NRSN2: variants seen among roughly 807,000 people sequenced by gnomAD.
The protein encoded by NRSN2 is neurensin-2.
NRSN2 carries 10 observed loss-of-function variants against 11.1 expected under a neutral mutation model. That is an observed-to-expected ratio of 0.90 (90% CI 0.56 to 1.53). NRSN2 has a LOEUF of 1.53. NRSN2 is among the 40% of genes most tolerant of loss of function. The pLI is 0.00. For missense variants in NRSN2, 260 were observed against 273.7 expected, an observed-to-expected ratio of 0.95 and a Z score of 0.35; for synonymous variants, 100 against 117.0, an observed-to-expected ratio of 0.86 and a Z score of 0.94.
In NRSN2 at chr20:348,736, T is replaced by G. The variant is rs1379187889; in HGVS notation, c.-121-513T>G. Among the ~76,000 whole-genome samples, 3 of 151,934 alleles carry G rather than the reference T, an allele frequency of 2.0e-5. No homozygotes were observed. In the South Asian group the frequency reaches 6.2e-4, roughly 32 times the overall value. ...TGCTAATTAAGGCTGAGGGCCATCA[T>G]GGAGACTGGGGTAGAAGCCCAGTCC... is the stretch of plus-strand genomic sequence containing the variant. On this transcript the variant is annotated intron_variant, in intron 2 of 4. Coordinates refer to ENST00000382285, the MANE Select transcript of NRSN2 (RefSeq NM_001323682.2).
chr20:351,682 C>T (rs895889228), intron 4 of NRSN2, among the ~76,000 whole-genome samples: 1 of 152,146 alleles, frequency 6.6e-6, no homozygotes, highest in African/African-American at 2.4e-5. Context: ...CTACAAAACT[C>T]AAAAGATATC....
Position 353,522 on chromosome 20 carries a change from C to T in NRSN2, c.502C>T (p.Gln168Ter). The change falls in exon 5 of 5, where the codon CAG (glutamine) becomes TAG (stop). Residue 168 changes from glutamine to a stop codon, truncating the protein, a stop_gained. Transcript: ENST00000382285. LOFTEE classifies it high-confidence loss of function. ...GGAGGTCTTCGGGGATGAGCCAGAG[C>T]AGCAGTTGTCACCCATTTTCCGCAA... ...HVEVFGDEPEQQLSPIFRNAS... is the reference protein window; with the variant it reads ...HVEVFGDEPE 1 of 1,614,184 alleles carries T rather than the reference C, an allele frequency of 6.2e-7. No individual in the cohort carries two copies. The highest frequency in any genetic ancestry group is 2.2e-5 in the East Asian group (1 of 44,878).
intron 4 of NRSN2, among the ~76,000 whole-genome samples, chr20:351,201 C>T (rs75655577): frequency 0.016 from 2,442 of 152,254 alleles, 72 homozygotes; most frequent in African/African-American, 0.056. Flanking sequence ...TGCACTCCAG[C>T]CTGCACAACA....
rs1156823558 is a variant in NRSN2, at chr20:347,700, C to A, written c.-122+188C>A. On this transcript the variant is annotated intron_variant, in intron 2 of 4. Transcript: ENST00000382285. This position sits in a 1 kb window ranked among gnomAD's most constrained non-coding sequence, Gnocchi z 7.0. ...GCGACAGATTCCGTCCATCTTCGGGCCCTGGCTTCCGTCACTTCCGCCCGT... is the reference window on the plus strand; with the variant it reads ...GCGACAGATTCCGTCCATCTTCGGGACCTGGCTTCCGTCACTTCCGCCCGT... Among the ~76,000 whole-genome samples, 1 of 152,140 alleles carries A rather than the reference C, an allele frequency of 6.6e-6. No individual in the cohort carries two copies. Among genetic ancestry groups the A allele is most frequent in the African/African-American group, 2.4e-5 (1 of 41,454 alleles).
chr20:349,902 C>A, intron 4 of NRSN2, 70 bp downstream of exon 4: 1 of 1,469,066 alleles, frequency 6.8e-7, no homozygotes, highest in Non-Finnish European at 9.2e-7. Flanking sequence ...ATTTGAGGCT[C>A]AGAGGAAAAA....
Position 347,449 on chromosome 20 carries a change from A to G in NRSN2, c.-185A>G, listed in dbSNP as rs564046844. The G allele has an allele frequency of 2.4e-4, 36 of 152,432 alleles. No individual in the cohort carries two copies. The highest frequency in any genetic ancestry group is 8.4e-4 in the African/African-American group (35 of 41,564). 9.4% of individuals were successfully genotyped at this position (152,432 alleles called of 1,614,324 possible). A position where few individuals can be genotyped will look rare whatever the true frequency, so the allele number is the denominator to read the frequency against. On this transcript the variant is annotated 5_prime_UTR_variant, in exon 2 of 5. Coordinates refer to ENST00000382285, the MANE Select transcript of NRSN2 (RefSeq NM_001323682.2). The surrounding 1 kb of genome is among the most constrained non-coding windows in gnomAD (Gnocchi z 7.0). ...TCTGCCTCAGTTTCTCTCTAGGGAA[A>G]AGGACGCAGTTGGTGTGGAGCAGGG...
rs1168778421 is a variant in NRSN2 at position 347,295 on chromosome 20, G to A, written c.-200-139G>A. ...GGCTTTGGGAGGTGGGGGTCCCAGG[G>A]AAGCAGCAGGGGCGGGAGACAGAAA... is the stretch of plus-strand genomic sequence containing the variant. On this transcript the variant is annotated intron_variant, in intron 1 of 4. Coordinates refer to ENST00000382285, the MANE Select transcript of NRSN2 (RefSeq NM_001323682.2). The surrounding 1 kb of genome is among the most constrained non-coding windows in gnomAD (Gnocchi z 7.0). 6.5e-6 allele frequency: 1 copy of A among 152,756 alleles called. No homozygotes were observed. The highest frequency in any genetic ancestry group is 2.4e-5 in the African/African-American group (1 of 41,460). 9.5% of individuals were successfully genotyped at this position (152,756 alleles called of 1,614,324 possible).
chr20:350,646 CAAAAAAAAAAAAAAA>C (rs56188179), intron 4 of NRSN2, among the ~76,000 whole-genome samples: 5 of 39,398 alleles, frequency 1.3e-4, no homozygotes, highest in African/African-American at 1.3e-4. Context: ...GACTCTGTCT[CAAAAAAAAAAAAAAA>C]AAAAAAAAAA....
intron 4 of NRSN2, 82 bp from the exon 5 acceptor site, chr20:353,128 C>G (rs1394071950): frequency 1.4e-5 from 18 of 1,308,768 alleles, no homozygotes; most frequent in Non-Finnish European, 2.2e-6. Context: ...ACCCTTAAGT[C>G]TGGTGAGGAT....
rs2013740673 is a variant in NRSN2, at chr20:349,460, T to G, written c.-7+97T>G. 5 of 554,660 alleles carry G rather than the reference T, an allele frequency of 9.0e-6. No individual in the cohort carries two copies. The South Asian group carries it at 1.2e-4, about 13-fold the overall frequency. 34.4% of individuals were successfully genotyped at this position (554,660 alleles called of 1,614,324 possible). On this transcript the variant is annotated intron_variant, in intron 3 of 4. Coordinates refer to ENST00000382285, the MANE Select transcript of NRSN2 (RefSeq NM_001323682.2). ...CTTCAGTGCATTGGCTCATTCGCAG[T>G]GTGCTTTGGGAAGGACAGGCTGGGA...
chr20:352,288 A>G (rs1217494654), intron 4 of NRSN2, among the ~76,000 whole-genome samples: 1 of 152,218 alleles, frequency 6.6e-6, no homozygotes, highest in Non-Finnish European at 1.5e-5. Context: ...TGCTATGGGC[A>G]TAGCTCTTTG....
rs2014184201 is a variant in NRSN2, at chr20:353,730, GGGTCCCTTTAGAGCCCAACTCCA to G, written c.*100_*122del. 23 of 1,354,202 alleles carry G rather than the reference GGGTCCCTTTAGAGCCCAACTCCA, an allele frequency of 1.7e-5. No homozygotes were observed. In the Middle Eastern group the frequency reaches 9.2e-4, roughly 54 times the overall value. 83.9% of individuals were successfully genotyped at this position (1,354,202 alleles called of 1,614,324 possible). A position where few individuals can be genotyped will look rare whatever the true frequency, so the allele number is the denominator to read the frequency against. The stretch of plus-strand genomic sequence containing the variant: ...TTTCCCCAACTTCTCCCTTTTAGCA[GGGTCCCTTTAGAGCCCAACTCCA>G]GGTCAAATCTGGAGCTCAAATCCCA... On this transcript the variant is annotated 3_prime_UTR_variant, in exon 5 of 5. Coordinates refer to ENST00000382285, the MANE Select transcript of NRSN2 (RefSeq NM_001323682.2).
intron 4 of NRSN2, 38 bp downstream of exon 4, chr20:349,870 T>A (rs113248010): frequency 3.8e-6 from 6 of 1,563,336 alleles, no homozygotes; most frequent in Middle Eastern, 1.7e-4. Context: ...TTCCTCTGCC[T>A]TGATGGAGGA....
Position 353,466 on chromosome 20 carries a change from A to G in NRSN2, c.446A>G (p.Glu149Gly), listed in dbSNP as rs550193042. 9 of 1,614,000 alleles carry G rather than the reference A, an allele frequency of 5.6e-6. 1 individual carries two copies. The highest frequency in any genetic ancestry group is 4.5e-5 in the East Asian group (2 of 44,892). ...TGGCTGAGCCAGGACACCAAGGCAG[A>G]GCCCTTGGACCCCGAAGCCGACAGC... Reference protein sequence around the residue: ...IGWLSQDTKAEPLDPEADSHV... With the variant: ...IGWLSQDTKAGPLDPEADSHV... The change falls in exon 5 of 5, where the codon GAG becomes GGG. Residue 149 changes from glutamate to glycine, a missense_variant. Physicochemically the swap from Glu to Gly is moderately conservative, Grantham distance 98. Coordinates refer to ENST00000382285, the MANE Select transcript of NRSN2 (RefSeq NM_001323682.2).
At chr20:352,226 G>T (rs1222831969) in intron 4 of NRSN2, among the ~76,000 whole-genome samples, 1 of 152,132 alleles carries the variant, frequency 6.6e-6, no homozygotes, top group Non-Finnish European at 1.5e-5. Flanking sequence ...AGACTAGTCG[G>T]CCAGGGTGCA....
intron 2 of NRSN2, chr20:348,496 T>TGTGTGTGTG (rs2013643958): frequency 6.7e-6 from 1 of 149,284 alleles, no homozygotes; most frequent in Non-Finnish European, 1.4e-5. Context: ...TGTGTGTGTG[T>TGTGTGTGTG]GTGTGTGTGT....
rs1329365872 is a variant in NRSN2, at chr20:349,679, C to T, written c.36C>T (p.Ser12=). The part of the protein sequence containing the change: ...MPSCNRSCSC[S]RGPSVEDGKW... ...GCTGCAATCGTTCCTGCAGCTGCAGCCGCGGCCCCAGCGTGGAGGATGGCA... is the reference window on the plus strand; with the variant it reads ...GCTGCAATCGTTCCTGCAGCTGCAGTCGCGGCCCCAGCGTGGAGGATGGCA... The change falls in exon 4 of 5, where the codon AGC becomes AGT. Residue 12 remains serine (S), a synonymous_variant. Transcript: ENST00000382285. 6.2e-7 allele frequency: 1 copy of T among 1,612,810 alleles called. No individual in the cohort carries two copies. Among genetic ancestry groups the T allele is most frequent in the Non-Finnish European group, 8.5e-7 (1 of 1,179,874 alleles).
chr20:351,234 A>T (rs985483088), intron 4 of NRSN2, among the ~76,000 whole-genome samples: 1 of 151,736 alleles, frequency 6.6e-6, no homozygotes, highest in Non-Finnish European at 1.5e-5. Context: ...TGTCTTAAAA[A>T]AACAAACAAA....
At chr20:348,596 G>A (rs1046853513) in intron 2 of NRSN2, among the ~76,000 whole-genome samples, 7 of 150,412 alleles carry the variant, frequency 4.7e-5, no homozygotes, top group African/African-American at 1.7e-4. Context: ...TGCTGTTTCG[G>A]TGAGTTTCTC....
Sources: allele counts gnomAD v4.1 joint callset (sites outside exome capture counted in the v4.1 genomes callset), GRCh38; gene constraint gnomAD v4.1.1; non-coding constraint Gnocchi (gnomAD v3.1); transcripts MANE v1.5; gene names NCBI Gene and HGNC (gene_info 2026-07-23, HGNC 2026-07-21).